The following IL1RAPL1 variants were observed in gnomAD, a reference collection of about 807,000 sequenced individuals.
IL1RAPL1 encodes interleukin-1 receptor accessory protein-like 1.
Under a neutral mutation model 48.4 loss-of-function variants are expected in IL1RAPL1, and 3 were observed. The ratio of observed to expected loss-of-function variants is 0.06; its 90% CI spans 0.03 to 0.16. The LOEUF (loss-of-function observed/expected upper bound fraction) is 0.16. Ranked by LOEUF, IL1RAPL1 falls within the 10% of genes least tolerant of loss-of-function variation. IL1RAPL1 has a pLI of 1.00. For synonymous variants in IL1RAPL1, 185 were observed against 187.7 expected, an observed-to-expected ratio of 0.99 and a Z score of 0.12; for missense variants, 349 against 530.6, an observed-to-expected ratio of 0.66 and a Z score of 3.36.
chrX:28,974,178 A>T (rs1219537106), intron 2 of IL1RAPL1, among the ~76,000 whole-genome samples: 3 of 111,492 alleles, frequency 2.7e-5, no homozygotes, highest in Non-Finnish European at 5.7e-5. Context: ...CTTCCCCCAT[A>T]CTTGCTGTGT....
intron 2 of IL1RAPL1, among the ~76,000 whole-genome samples, chrX:29,061,692 C>T (rs769660470): frequency 7.9e-4 from 89 of 112,333 alleles, no homozygotes; most frequent in Admixed American, 2.3e-3. Flanking sequence ...CTCCTGACCT[C>T]AGGTCATCCG....
chrX:29,349,587 C>T (rs929973026), intron 3 of IL1RAPL1, among the ~76,000 whole-genome samples: 12 of 111,449 alleles, frequency 1.1e-4, no homozygotes, highest in African/African-American at 3.9e-4. Flanking sequence ...TGAGCCCCAA[C>T]GAGTCTATGA....
chrX:28,956,000 G>A (rs951492342), intron 2 of IL1RAPL1, among the ~76,000 whole-genome samples: 6 of 104,255 alleles, frequency 5.8e-5, no homozygotes, highest in African/African-American at 1.8e-4. Flanking sequence ...TTGTAAGTTG[G>A]ATTCCTAGGT....
intron 6 of IL1RAPL1, among the ~76,000 whole-genome samples, chrX:29,740,122 GAAAAA>G (rs1172511347): frequency 3.8e-5 from 2 of 52,304 alleles, no homozygotes; most frequent in African/African-American, 6.3e-5. Flanking sequence ...CAAAAAAACA[GAAAAA>G]AAAAAAAAAA....
intron 1 of IL1RAPL1, among the ~76,000 whole-genome samples, chrX:28,656,889 GGTGGCGGGCGCCT>G (rs1255008382): frequency 2.4e-4 from 26 of 109,366 alleles, no homozygotes; most frequent in Admixed American, 3.9e-4. Flanking sequence ...AGCCGGGCGT[GGTGGCGGGCGCCT>G]GTAGTCCCAG....
chrX:29,908,040 A>G (rs1601877458), intron 6 of IL1RAPL1, among the ~76,000 whole-genome samples: 1 of 111,356 alleles, frequency 9.0e-6, no homozygotes, highest in East Asian at 2.8e-4. Context: ...AATCACATTA[A>G]CTATAGCTAA....
rs564121589 is a variant in IL1RAPL1, at chrX:28,890,029, G to T, written c.82+100604G>T. ...ACTCTGATAGTTGCTTTAACAGAAC[G>T]TGCCTTTTTTGTTTGCTTTGTTCAG... On this transcript the variant is annotated intron_variant, in intron 2 of 10. Transcript: ENST00000378993. Among the ~76,000 whole-genome samples, 8 of 111,438 alleles carry T rather than the reference G, an allele frequency of 7.2e-5. No individual in the cohort carries two copies. In the South Asian group the frequency reaches 3.0e-3, roughly 42 times the overall value.
chrX:29,589,692 A>C (rs751054230), intron 5 of IL1RAPL1, among the ~76,000 whole-genome samples: 32 of 111,606 alleles, frequency 2.9e-4, no homozygotes, highest in Middle Eastern at 4.7e-3. Flanking sequence ...TAGTAGGATA[A>C]AATAAAATAA....
chrX:29,003,076 G>C (rs942663390), intron 2 of IL1RAPL1, among the ~76,000 whole-genome samples: 19 of 110,973 alleles, frequency 1.7e-4, no homozygotes, highest in Admixed American at 8.6e-4. Context: ...TAGGAAGGAG[G>C]GGGGACAGGG....
intron 3 of IL1RAPL1, among the ~76,000 whole-genome samples, chrX:29,366,971 T>A (rs1471386049): frequency 9.0e-6 from 1 of 111,408 alleles, no homozygotes; most frequent in Non-Finnish European, 1.9e-5. Flanking sequence ...TTTTAAAGCA[T>A]ATATGCACAT....
At chrX:29,028,969 G>A (rs758073243) in intron 2 of IL1RAPL1, among the ~76,000 whole-genome samples, 1 of 111,346 alleles carries the variant, frequency 9.0e-6, no homozygotes, top group Non-Finnish European at 1.9e-5. Context: ...AAGGAAAGGG[G>A]TTTGATTGAC....
intron 5 of IL1RAPL1, among the ~76,000 whole-genome samples, chrX:29,664,445 A>G (rs1925943676): frequency 9.0e-6 from 1 of 110,907 alleles, no homozygotes. Context: ...TAGTTAAAAT[A>G]CATTATGAAA....
intron 2 of IL1RAPL1, among the ~76,000 whole-genome samples, chrX:29,005,394 A>G (rs1925952861): frequency 8.9e-6 from 1 of 112,244 alleles, no homozygotes; most frequent in African/African-American, 3.2e-5. Context: ...TGACTATATT[A>G]GCATAGAATA....
chrX:29,802,815 G>GTA (rs199537764), intron 6 of IL1RAPL1, among the ~76,000 whole-genome samples: 1 of 51,812 alleles, frequency 1.9e-5, no homozygotes, highest in Non-Finnish European at 3.4e-5. Context: ...ATATATGTGT[G>GTA]TATATATATG....
chrX:29,701,806 T>C (rs779750584), intron 6 of IL1RAPL1, among the ~76,000 whole-genome samples: 21 of 110,555 alleles, frequency 1.9e-4, no homozygotes, highest in Non-Finnish European at 3.6e-4. Flanking sequence ...AAAGCATGTA[T>C]GAACAAGGGG....
At chrX:29,009,964 A>AT (rs1011952458) in intron 2 of IL1RAPL1, among the ~76,000 whole-genome samples, 8 of 111,518 alleles carry the variant, frequency 7.2e-5, no homozygotes, top group Non-Finnish European at 1.5e-4. Context: ...TTGTAAAGAT[A>AT]TTTTACCTCC....
intron 6 of IL1RAPL1, among the ~76,000 whole-genome samples, chrX:29,875,665 C>T (rs140498709): frequency 1.5e-4 from 17 of 111,873 alleles, no homozygotes; most frequent in Admixed American, 8.5e-4. Context: ...ATGCTATCTA[C>T]GAAAATCCTA....
intron 1 of IL1RAPL1, among the ~76,000 whole-genome samples, chrX:28,683,716 G>GTTTATT (rs1429735624): frequency 1.8e-5 from 2 of 112,347 alleles, no homozygotes; most frequent in East Asian, 5.6e-4. Flanking sequence ...TATTGGTAGG[G>GTTTATT]TTGCATTATT....
At chrX:29,885,965 T>C (rs1932154100) in intron 6 of IL1RAPL1, among the ~76,000 whole-genome samples, 1 of 112,372 alleles carries the variant, frequency 8.9e-6, no homozygotes, top group Non-Finnish European at 1.9e-5. Context: ...TTTAAATTAT[T>C]CTTATTAACA....
Sources: allele counts gnomAD v4.1 joint callset (sites outside exome capture counted in the v4.1 genomes callset), GRCh38; gene constraint gnomAD v4.1.1; transcripts MANE v1.5; gene names NCBI Gene and HGNC (gene_info 2026-07-23, HGNC 2026-07-21).